EHMT1: variants seen among roughly 807,000 people sequenced by gnomAD.
EHMT1 encodes histone-lysine N-methyltransferase EHMT1.
Under a neutral mutation model 147.2 loss-of-function variants are expected in EHMT1, and 15 were observed. That is an observed-to-expected ratio of 0.10 (90% confidence interval 0.07 to 0.16). The LOEUF (loss-of-function observed/expected upper bound fraction) is 0.16. Among genes scored for constraint, EHMT1 ranks in the 10% least tolerant of loss-of-function variants. The pLI is 1.00. For synonymous variants in EHMT1, 795 were observed against 709.6 expected (o/e 1.12, Z -1.91); for missense variants, 1,587 against 1,772.4 (o/e 0.90, Z 1.88).
In EHMT1 at chr9:137,753,921, A is replaced by G. The variant is rs567816877; in HGVS notation, c.1249-250A>G. On this transcript the variant is annotated intron_variant, in intron 7 of 26. Transcript: ENST00000460843. ...TTCTTTTATGCCAAACTCAAATAAG[A>G]TGGATACATTTCACTTTCTGCTTTT... Among the ~76,000 whole-genome samples, 8 of 152,328 alleles carry G rather than the reference A, an allele frequency of 5.3e-5. No homozygotes were observed. The East Asian group carries it at 1.3e-3, about 26-fold the overall frequency.
chr9:137,780,630 GATGTGTGGTGATGACGGCATCTCACTGA>G (rs1344704021), intron 14 of EHMT1, among the ~76,000 whole-genome samples: 1 of 115,876 alleles, frequency 8.6e-6, no homozygotes, highest in African/African-American at 3.7e-5. Flanking sequence ...ATGACGCTGA[GATGTGTGGTGATGACGGCATCTCACTGA>G]GATGTGTGGT....
At chr9:137,754,822 T>G (rs1472751263) in intron 8 of EHMT1, among the ~76,000 whole-genome samples, 1 of 152,180 alleles carries the variant, frequency 6.6e-6, no homozygotes, top group African/African-American at 2.4e-5. Context: ...CGGCCCCAAC[T>G]TCATTGTTGA....
chr9:137,817,181 T>C (rs74636464), intron 23 of EHMT1: 2 of 558,244 alleles, frequency 3.6e-6, no homozygotes, highest in Non-Finnish European at 6.5e-6. Flanking sequence ...ATGTTACAGA[T>C]GGGGACACCG....
intron 4 of EHMT1, 158 bp downstream of exon 4, chr9:137,728,687 G>A: frequency 1.1e-6 from 1 of 890,288 alleles, no homozygotes; most frequent in Non-Finnish European, 1.8e-6. Flanking sequence ...GTATGCCTGA[G>A]GAGGCACACC....
At chr9:137,817,351 G>C in intron 23 of EHMT1, 88 bp from the exon 24 acceptor site, 1 of 1,455,410 alleles carries the variant, frequency 6.9e-7, no homozygotes, top group Non-Finnish European at 9.6e-7. Flanking sequence ...CCTCATTTCA[G>C]TGACGTGGCA....
In EHMT1 at chr9:137,740,988, T is replaced by G. The variant is rs531380569; in HGVS notation, c.824-2383T>G. On this transcript the variant is annotated intron_variant, in intron 4 of 26. Coordinates refer to ENST00000460843, the MANE Select transcript of EHMT1 (RefSeq NM_024757.5). ...GGGCCCCGACATGATTTTTTTTTTGTTTGTTTGAGACAGAGTCTCGCTGTG... is the reference window on the plus strand; with the variant it reads ...GGGCCCCGACATGATTTTTTTTTTGGTTGTTTGAGACAGAGTCTCGCTGTG... Among the ~76,000 whole-genome samples, 19 of 139,168 alleles carry G rather than the reference T, an allele frequency of 1.4e-4. 1 individual carries two copies. The Middle Eastern group carries it at 0.016, about 117-fold the overall frequency. The allele number at this position is 139,168 out of a possible 152,430, so 91.3% of individuals were successfully genotyped here. A position where few individuals can be genotyped will look rare whatever the true frequency, so the allele number is the denominator to read the frequency against.
At chr9:137,759,352 T>A (rs1437809189) in intron 9 of EHMT1, among the ~76,000 whole-genome samples, 1 of 152,204 alleles carries the variant, frequency 6.6e-6, no homozygotes, top group Non-Finnish European at 1.5e-5. Context: ...CTCAGGAAGT[T>A]ACTTGGTTTT....
intron 3 of EHMT1, among the ~76,000 whole-genome samples, chr9:137,717,643 C>G (rs1945479959): frequency 6.7e-6 from 1 of 150,282 alleles, no homozygotes; most frequent in South Asian, 2.1e-4. Flanking sequence ...CTGCTAATGC[C>G]TTGTGCGTGA....
chr9:137,827,208 GT>G (rs1955865777), intron 25 of EHMT1, among the ~76,000 whole-genome samples: 1 of 152,188 alleles, frequency 6.6e-6, no homozygotes, highest in African/African-American at 2.4e-5. Flanking sequence ...CTTCCAGTCT[GT>G]CTGCAACCAG....
chr9:137,834,550 A>G (rs1469639185), intron 26 of EHMT1, 26 bp downstream of exon 26: 4 of 1,608,268 alleles, frequency 2.5e-6, no homozygotes, highest in Non-Finnish European at 3.4e-6. Flanking sequence ...GCCCCTGGCC[A>G]TCTCCGCTGC....
intron 25 of EHMT1, among the ~76,000 whole-genome samples, chr9:137,825,851 G>C (rs1955777282): frequency 6.6e-6 from 1 of 152,140 alleles, no homozygotes; most frequent in Non-Finnish European, 1.5e-5. Context: ...GGGCTGCCCA[G>C]TGTCAGGGAG....
intron 9 of EHMT1, among the ~76,000 whole-genome samples, chr9:137,759,106 G>C (rs1019215395): frequency 6.6e-6 from 1 of 151,808 alleles, no homozygotes; most frequent in Non-Finnish European, 1.5e-5. Flanking sequence ...CAGCCTGGGC[G>C]ACAGCGAGAC....
chr9:137,708,612 C>G (rs1409414489), intron 1 of EHMT1, among the ~76,000 whole-genome samples: 1 of 152,216 alleles, frequency 6.6e-6, no homozygotes, highest in Non-Finnish European at 1.5e-5. Flanking sequence ...GAGAAACTTT[C>G]AAGCTCATGG....
chr9:137,646,555 G>C lies in EHMT1; in HGVS notation c.21+27506G>C, dbSNP rs576557591. The C allele has an allele frequency of 2.0e-5, 12 of 612,420 alleles. No individual in the cohort carries two copies. The African/African-American group carries it at 2.2e-4, about 11-fold the overall frequency. The allele number at this position is 612,420 out of a possible 1,614,324, so 37.9% of individuals were successfully genotyped here. On this transcript the variant is annotated intron_variant, in intron 1 of 26. Coordinates refer to ENST00000460843, the MANE Select transcript of EHMT1 (RefSeq NM_024757.5). ...ACCCTGGAGCCTGGGGGAGGCCCCCGAGCGTGTGGGCTGGGGTGGTCTGGG... is the reference window on the plus strand; with the variant it reads ...ACCCTGGAGCCTGGGGGAGGCCCCCCAGCGTGTGGGCTGGGGTGGTCTGGG...
At chr9:137,702,325 C>T (rs1943907738) in intron 1 of EHMT1, among the ~76,000 whole-genome samples, 1 of 152,194 alleles carries the variant, frequency 6.6e-6, no homozygotes, top group African/African-American at 2.4e-5. Flanking sequence ...GCCTATCAGC[C>T]TGTAAAATAA....
At chr9:137,713,966 TA>T (rs556981265) in intron 2 of EHMT1, among the ~76,000 whole-genome samples, 8 of 152,092 alleles carry the variant, frequency 5.3e-5, no homozygotes, top group East Asian at 1.9e-4. Context: ...TAAAAAAAGT[TA>T]AAAAAAATTG....
chr9:137,695,027 A>T lies in EHMT1; in HGVS notation c.22-15940A>T, dbSNP rs1037883657. Among the ~76,000 whole-genome samples the T allele has an allele frequency of 5.9e-5, 9 of 152,302 alleles. No homozygotes were observed. In the East Asian group the frequency reaches 7.7e-4, roughly 13 times the overall value. On this transcript the variant is annotated intron_variant, in intron 1 of 26. Coordinates refer to ENST00000460843, the MANE Select transcript of EHMT1 (RefSeq NM_024757.5). ...TTATGTCAAGGCACCCGTTCTGGTC[A>T]TGGCTACTTTTTGGTTTTGGACCTG...
chr9:137,800,510 G>A lies in EHMT1; in HGVS notation c.2608-370G>A, dbSNP rs183447465. ...AGGCTGCTGGTGCGCTCCGGGTCTG[G>A]CCTGGGCTTACGAAGTTTCAGCTCC... On this transcript the variant is annotated intron_variant, in intron 17 of 26. Coordinates refer to ENST00000460843, the MANE Select transcript of EHMT1 (RefSeq NM_024757.5). 3 of 314,820 alleles carry A rather than the reference G, an allele frequency of 9.5e-6. No homozygotes were observed. In the East Asian group the frequency reaches 2.4e-4, roughly 25 times the overall value. 19.5% of individuals were successfully genotyped at this position (314,820 alleles called of 1,614,324 possible).
At chr9:137,721,646 C>G (rs192171729) in intron 3 of EHMT1, among the ~76,000 whole-genome samples, 90 of 149,162 alleles carry the variant, frequency 6.0e-4, no homozygotes, top group African/African-American at 2.2e-3. Context: ...GCCTCTCACT[C>G]TTGTTCCCTC....
Sources: gnomAD v4.1 joint callset for allele counts (sites outside exome capture counted in the v4.1 genomes callset) on GRCh38, gnomAD v4.1.1 for gene constraint, MANE v1.5 for transcripts, NCBI Gene and HGNC (gene_info 2026-07-23, HGNC 2026-07-21) for gene names.